RSPO4: variants seen among roughly 807,000 people sequenced by gnomAD.
The protein encoded by RSPO4 is R-spondin-4.
A neutral mutation model predicts 24.8 loss-of-function variants in RSPO4; 23 were observed. That is an observed-to-expected ratio of 0.93 (90% CI 0.67 to 1.31). The LOEUF (loss-of-function observed/expected upper bound fraction) is 1.31. Among genes scored for constraint, RSPO4 ranks in the 40% most tolerant of loss-of-function variants. The pLI, the probability that RSPO4 is intolerant of heterozygous loss-of-function variation, is 0.00. For missense variants in RSPO4, 333 were observed against 316.5 expected (o/e 1.05, Z -0.39); for synonymous variants, 141 against 127.4 (o/e 1.11, Z -0.72).
rs140542478 is a variant in RSPO4, at chr20:1,002,077, C to G, written c.79+9G>C. Reference sequence around the variant, plus strand: ...CTGCCCGGCCGCCCTGCCCAGCCACCCCTTGTACCTTGCTTCTTCCTTCGG... The same window carrying G: ...CTGCCCGGCCGCCCTGCCCAGCCACGCCTTGTACCTTGCTTCTTCCTTCGG... On this transcript the variant is annotated intron_variant, in intron 1 of 4. Transcript: ENST00000217260. This position sits in a 1 kb window ranked among gnomAD's most constrained non-coding sequence, Gnocchi z 4.6. The G allele has an allele frequency of 6.4e-7, 1 of 1,551,818 alleles. No homozygotes were observed. The highest frequency in any genetic ancestry group is 8.7e-7 in the Non-Finnish European group (1 of 1,147,308).
intron 1 of RSPO4, among the ~76,000 whole-genome samples, chr20:999,348 T>TG (rs1212783079): frequency 2.6e-5 from 4 of 152,186 alleles, no homozygotes; most frequent in Admixed American, 2.6e-4. Flanking sequence ...CAGCATGCTC[T>TG]GATAAGTCTC....
At chr20:969,531 A>C (rs1165965438) in intron 1 of RSPO4, among the ~76,000 whole-genome samples, 1 of 152,168 alleles carries the variant, frequency 6.6e-6, no homozygotes, top group East Asian at 1.9e-4. Flanking sequence ...TTCCTCTTTG[A>C]ACAGAGAAAG....
At chr20:967,107 C>T in intron 3 of RSPO4, 67 bp downstream of exon 3, 1 of 1,526,684 alleles carries the variant, frequency 6.6e-7, no homozygotes, top group Admixed American at 1.8e-5. Flanking sequence ...CCCCTAACAT[C>T]TCTCACCAAG....
chr20:1,002,062 G>A lies in RSPO4; in HGVS notation c.79+24C>T. 1 of 1,541,146 alleles carries A rather than the reference G, an allele frequency of 6.5e-7. No homozygotes were observed. The highest frequency in any genetic ancestry group is 2.5e-5 in the East Asian group (1 of 40,698). On this transcript the variant is annotated intron_variant, in intron 1 of 4. Transcript: ENST00000217260. This position sits in a 1 kb window ranked among gnomAD's most constrained non-coding sequence, Gnocchi z 4.6. ...TCTGCCCCGCAGCGCCTGCCCGGCC[G>A]CCCTGCCCAGCCACCCCTTGTACCT...
chr20:987,655 G>T (rs1271398480), intron 1 of RSPO4, among the ~76,000 whole-genome samples: 2 of 152,134 alleles, frequency 1.3e-5, no homozygotes, highest in Non-Finnish European at 2.9e-5. Flanking sequence ...GCCAGGCATG[G>T]TGATGCGTGC....
chr20:976,271 C>T (rs936042609), intron 1 of RSPO4, among the ~76,000 whole-genome samples: 1 of 152,200 alleles, frequency 6.6e-6, no homozygotes, highest in South Asian at 2.1e-4. Flanking sequence ...GACCCTTGTC[C>T]TCTTTCCCAG....
intron 1 of RSPO4, among the ~76,000 whole-genome samples, chr20:1,001,363 G>A (rs912376476): frequency 3.3e-5 from 5 of 152,178 alleles, no homozygotes; most frequent in Non-Finnish European, 5.9e-5. Context: ...TTCTGAGGAT[G>A]TTCTGACTCT....
chr20:978,836 C>G (rs1186528482), intron 1 of RSPO4, among the ~76,000 whole-genome samples: 1 of 152,056 alleles, frequency 6.6e-6, no homozygotes, highest in African/African-American at 2.4e-5. Flanking sequence ...ATATTGTACT[C>G]ATTTGGTAGA....
intron 4 of RSPO4, among the ~76,000 whole-genome samples, chr20:962,337 G>A (rs554288333): frequency 1.3e-5 from 2 of 152,180 alleles, no homozygotes; most frequent in African/African-American, 4.8e-5. Context: ...GAGCTACAGC[G>A]GGGTTGTTGC....
At chr20:971,346 G>A (rs917721412) in intron 1 of RSPO4, among the ~76,000 whole-genome samples, 16 of 152,146 alleles carry the variant, frequency 1.1e-4, no homozygotes, top group African/African-American at 4.8e-5. Context: ...GCTGGTCCAG[G>A]GACCATGCTC....
intron 4 of RSPO4, 44 bp downstream of exon 4, chr20:963,891 G>A (rs748662860): frequency 3.8e-6 from 6 of 1,592,348 alleles, no homozygotes; most frequent in Non-Finnish European, 3.4e-6. Flanking sequence ...CTGTCCCTGT[G>A]GGCCTTTCCC....
rs143591420 is a variant in RSPO4, at chr20:966,147, C to T, written c.409+1027G>A. ...CAGCTGCTCAGGGAGGCTGGAGACACGGAGTCAGGGGCCATCAGCAGCTGG... is the reference window on the plus strand; with the variant it reads ...CAGCTGCTCAGGGAGGCTGGAGACATGGAGTCAGGGGCCATCAGCAGCTGG... On this transcript the variant is annotated intron_variant, in intron 3 of 4. Transcript: ENST00000217260. Among the ~76,000 whole-genome samples the T allele has an allele frequency of 5.3e-5, 8 of 152,152 alleles. No individual in the cohort carries two copies. The East Asian group carries it at 1.4e-3, about 26-fold the overall frequency.
Position 967,184 on chromosome 20 carries a change from C to T in RSPO4, c.399G>A (p.Arg133=), listed in dbSNP as rs571711499. 1.9e-6 allele frequency: 3 copies of T among 1,613,764 alleles called. No homozygotes were observed. In the South Asian group the frequency reaches 3.3e-5, roughly 18 times the overall value. Residue 133 remains arginine, a synonymous_variant, in exon 3 of 5, where the codon CGG becomes CGA. Transcript: ENST00000217260. ...PPGTLAHQNT[R]ECQGECELGP... ...GAGGTCCCCACTCACCCTGGCACTC[C>T]CGTGTGTTCTGGTGGGCCAAAGTGC...
rs1252353542 is a variant in RSPO4, at chr20:1,002,035, G to A, written c.79+51C>T. The A allele has an allele frequency of 6.7e-7, 1 of 1,485,782 alleles. No homozygotes were observed. The highest frequency in any genetic ancestry group is 9.2e-7 in the Non-Finnish European group (1 of 1,092,892). The allele number at this position is 1,485,782 out of a possible 1,614,324, so 92.0% of individuals were successfully genotyped here. A position where few individuals can be genotyped will look rare whatever the true frequency, so the allele number is the denominator to read the frequency against. On this transcript the variant is annotated intron_variant, in intron 1 of 4. Coordinates refer to ENST00000217260, the MANE Select transcript of RSPO4 (RefSeq NM_001029871.4). The surrounding 1 kb of genome is among the most constrained non-coding windows in gnomAD (Gnocchi z 4.6). ...CGCCGCCCCCGGTCCTCCGGCCCCC[G>A]GTCTGCCCCGCAGCGCCTGCCCGGC...
chr20:986,866 A>C (rs529783632), intron 1 of RSPO4, among the ~76,000 whole-genome samples: 1 of 152,324 alleles, frequency 6.6e-6, no homozygotes, highest in South Asian at 2.1e-4. Context: ...AAGAAAGACA[A>C]ATAGGACAAT....
Position 960,311 on chromosome 20 carries a change from G to T in RSPO4, c.*46C>A. ...AGGAGGAGAAGGAGCAGGAGGAGGT[G>T]TGCAGGGGCCGAGGACTAGGACCAG... On this transcript the variant is annotated 3_prime_UTR_variant, in exon 5 of 5. Coordinates refer to ENST00000217260, the MANE Select transcript of RSPO4 (RefSeq NM_001029871.4). The T allele has an allele frequency of 8.0e-7, 1 of 1,256,678 alleles. No homozygotes were observed. The highest frequency in any genetic ancestry group is 1.1e-6 in the Non-Finnish European group (1 of 891,894). 77.8% of individuals were successfully genotyped at this position (1,256,678 alleles called of 1,614,324 possible).
At chr20:976,056 C>G (rs1255696295) in intron 1 of RSPO4, among the ~76,000 whole-genome samples, 1 of 152,138 alleles carries the variant, frequency 6.6e-6, no homozygotes. Context: ...CCCCATCACT[C>G]ATTGAATGAG....
intron 3 of RSPO4, among the ~76,000 whole-genome samples, chr20:966,097 C>T (rs1984186966): frequency 6.6e-6 from 1 of 152,164 alleles, no homozygotes; most frequent in South Asian, 2.1e-4. Flanking sequence ...AAAGAAGGCA[C>T]CCAGAGGGCA....
rs560196084 is a variant in RSPO4 at position 982,220 on chromosome 20, G to T, written c.80-14082C>A. Among the ~76,000 whole-genome samples, 4 of 152,262 alleles carry T rather than the reference G, an allele frequency of 2.6e-5. No individual in the cohort carries two copies. In the East Asian group the frequency reaches 7.7e-4, roughly 29 times the overall value. ...CCTGCCCAGAGCTAGTGCCCTGTTAGCCAGGAACACAGAACTGTCACAAAG... is the reference window on the plus strand; with the variant it reads ...CCTGCCCAGAGCTAGTGCCCTGTTATCCAGGAACACAGAACTGTCACAAAG... On this transcript the variant is annotated intron_variant, in intron 1 of 4. Transcript: ENST00000217260.
Sources: allele counts gnomAD v4.1 joint callset (sites outside exome capture counted in the v4.1 genomes callset), GRCh38; gene constraint gnomAD v4.1.1; non-coding constraint Gnocchi (gnomAD v3.1); transcripts MANE v1.5; gene names NCBI Gene and HGNC (gene_info 2026-07-23, HGNC 2026-07-21).